Variants in ZNF215 observed in about 807,000 individuals in gnomAD.
ZNF215 encodes the protein BWSCR2-associated zinc finger protein 2.
A neutral mutation model predicts 27.2 loss-of-function variants in ZNF215; 24 were observed. The ratio of observed to expected loss-of-function variants is 0.88; its 90% confidence interval spans 0.64 to 1.24. The LOEUF is 1.24. Among genes scored for constraint, ZNF215 ranks in the 50% most tolerant of loss-of-function variants. The probability of loss-of-function intolerance (pLI) is 0.00; values close to 1 mark genes in which losing one functional copy is unlikely to be tolerated. For missense variants in ZNF215, 675 were observed against 605.7 expected, an observed-to-expected ratio of 1.11 and a Z score of -1.20; for synonymous variants, 210 against 204.0, an observed-to-expected ratio of 1.03 and a Z score of -0.25.
chr11:6,972,999 T>A (rs1455325479), intron 5 of ZNF215, among the ~76,000 whole-genome samples: 1 of 152,148 alleles, frequency 6.6e-6, no homozygotes, highest in Admixed American at 6.6e-5. Flanking sequence ...GTTGGTGTGC[T>A]GTACCCATTA....
downstream of ZNF215, among the ~76,000 whole-genome samples, chr11:6,961,639 C>T (rs1392553105): frequency 6.6e-6 from 1 of 152,124 alleles, no homozygotes; most frequent in East Asian, 1.9e-4. Context: ...CTTACAGCCG[C>T]TGGGTTTCAG....
intron 5 of ZNF215, among the ~76,000 whole-genome samples, chr11:6,966,877 C>T (rs1461210228): frequency 2.6e-5 from 4 of 151,764 alleles, no homozygotes; most frequent in East Asian, 1.9e-4. Flanking sequence ...TTGTTACATA[C>T]GTATACACGT....
chr11:6,958,360 A>C (rs1564968480), downstream of ZNF215, among the ~76,000 whole-genome samples: 2 of 152,248 alleles, frequency 1.3e-5, no homozygotes, highest in Non-Finnish European at 2.9e-5. Context: ...TTCTTTGAAC[A>C]ACTAGCTATT....
intron 3 of ZNF215, 24 bp from the exon 4 acceptor site, chr11:6,941,547 A>T (rs371766314): frequency 6.2e-7 from 1 of 1,609,720 alleles, no homozygotes; most frequent in East Asian, 2.2e-5. Flanking sequence ...TTGTCTCCCT[A>T]ATATTTTCCT....
chr11:6,975,070 A>G lies in ZNF215; in HGVS notation c.806-9059A>G, dbSNP rs1430004424. Among the ~76,000 whole-genome samples the G allele has an allele frequency of 2.0e-5, 3 of 152,128 alleles. No individual in the cohort carries two copies. In the East Asian group the frequency reaches 5.8e-4, roughly 29 times the overall value. Reference sequence around the variant, plus strand: ...TTATTATTTTGAGATACATCCCATCAATACCTAATTTATTGAGAGTTTTTA... The same window carrying G: ...TTATTATTTTGAGATACATCCCATCGATACCTAATTTATTGAGAGTTTTTA... On this transcript the variant is annotated intron_variant, in intron 5 of 5. Transcript: ENST00000529903.
chr11:6,944,921 A>T (rs1327436904), intron 6 of ZNF215, among the ~76,000 whole-genome samples: 1 of 152,206 alleles, frequency 6.6e-6, no homozygotes, highest in African/African-American at 2.4e-5. Context: ...ATATCATAAT[A>T]CATTTAACCA....
chr11:6,953,037 T>C (rs1850144112), intron 6 of ZNF215, among the ~76,000 whole-genome samples: 1 of 152,234 alleles, frequency 6.6e-6, no homozygotes, highest in Non-Finnish European at 1.5e-5. Flanking sequence ...GAAAATTCTT[T>C]TGTTTAAGAA....
Position 6,927,740 on chromosome 11 carries a change from A to G in ZNF215, c.-247A>G, listed in dbSNP as rs1240559838. ...TATCATCAAAACTATTCCACCTCGG[A>G]AATCTTACCTAAATGCAGCATGCCA... On this transcript the variant is annotated 5_prime_UTR_variant, in exon 2 of 7. Transcript: ENST00000278319. 1 of 152,276 alleles carries G rather than the reference A, an allele frequency of 6.6e-6. No individual in the cohort carries two copies. The highest frequency in any genetic ancestry group is 1.5e-5 in the Non-Finnish European group (1 of 68,078). 9.4% of individuals were successfully genotyped at this position (152,276 alleles called of 1,614,324 possible). A position where few individuals can be genotyped will look rare whatever the true frequency, so the allele number is the denominator to read the frequency against.
intron 1 of ZNF215, among the ~76,000 whole-genome samples, chr11:6,927,126 G>T (rs1225447558): frequency 7.4e-6 from 1 of 134,372 alleles, no homozygotes; most frequent in East Asian, 2.3e-4. Context: ...TGGTATTGAT[G>T]CCTCATGGAA....
intron 5 of ZNF215, among the ~76,000 whole-genome samples, chr11:6,973,926 T>C (rs937699968): frequency 7.9e-5 from 12 of 152,332 alleles, no homozygotes; most frequent in Non-Finnish European, 1.0e-4. Flanking sequence ...ATTTTGGCTT[T>C]TGTTGCTATT....
chr11:6,963,349 C>G (rs922026692), intron 5 of ZNF215, among the ~76,000 whole-genome samples: 1 of 151,968 alleles, frequency 6.6e-6, no homozygotes, highest in Non-Finnish European at 1.5e-5. Context: ...TTCCCTTAGC[C>G]TACCTAATTG....
At position 6,948,113 on chromosome 11, in the gene ZNF215, ACT is replaced by A. The variant is rs561576109; in HGVS notation, c.712+4475_712+4476del. ...CCAGATTCAAGGAGAAGCAGAATAA[ACT>A]CTACTTCAGGATGGGGAGTGTGGCA... On this transcript the variant is annotated intron_variant, in intron 6 of 6. Transcript: ENST00000278319. Among the ~76,000 whole-genome samples, 551 of 152,200 alleles carry A rather than the reference ACT, an allele frequency of 3.6e-3. 3 individuals carry two copies. Among genetic ancestry groups the A allele is most frequent in the Middle Eastern group, 0.02 (6 of 294 alleles).
chr11:6,970,042 A>G (rs570856760), intron 5 of ZNF215, among the ~76,000 whole-genome samples: 2 of 152,286 alleles, frequency 1.3e-5, no homozygotes, highest in East Asian at 3.9e-4. Context: ...TGGGCCTCCC[A>G]TAGTGCTCGG....
chr11:6,930,878 A>G (rs2133146862), intron 2 of ZNF215, among the ~76,000 whole-genome samples: 1 of 152,336 alleles, frequency 6.6e-6, no homozygotes, highest in Non-Finnish European at 1.5e-5. Context: ...TATGACTCCA[A>G]AGTATGTAGT....
At chr11:6,962,083 A>G (rs747304285), downstream of ZNF215, among the ~76,000 whole-genome samples, 1 of 152,180 alleles carries the variant, frequency 6.6e-6, no homozygotes, top group Non-Finnish European at 1.5e-5. Context: ...GACTATTTTT[A>G]AAGGTGTGGG....
intron 6 of ZNF215, among the ~76,000 whole-genome samples, chr11:6,951,052 T>C (rs1850035529): frequency 6.6e-6 from 1 of 152,144 alleles, no homozygotes; most frequent in Non-Finnish European, 1.5e-5. Context: ...TTTGCGTATA[T>C]TGAACCAGCC....
At chr11:6,944,192 C>T (rs373843068) in intron 6 of ZNF215, among the ~76,000 whole-genome samples, 183 of 152,150 alleles carry the variant, frequency 1.2e-3, no homozygotes, top group Non-Finnish European at 2.1e-3. Context: ...AGGAGAATGG[C>T]GTGAACCCGG....
chr11:6,955,834 A>G lies in ZNF215; in HGVS notation c.857A>G (p.Gln286Arg), dbSNP rs1425103989. The change falls in exon 7 of 7, where the codon CAA becomes CGA. Residue 286 changes from glutamine to arginine, a missense_variant. By Grantham distance (43) the Gln-to-Arg change is conservative. Transcript: ENST00000278319. ...AAAAAATGGGACATAAATTTGCCAC[A>G]AGAGGCTTTCATTCCTGAGACAATT... ...NQKKWDINLP[Q>R]EAFIPETIYT... The G allele has an allele frequency of 6.2e-7, 1 of 1,613,702 alleles. No homozygotes were observed. Among genetic ancestry groups the G allele is most frequent in the South Asian group, 1.1e-5 (1 of 90,840 alleles).
In ZNF215 at chr11:6,955,963, A is replaced by G. The variant is rs774591010; in HGVS notation, c.986A>G (p.Lys329Arg). ...ATACAAGTGGGAATTCCTTCAAGAA[A>G]GGGGTCTCCAAAATGTGATAAGTTT... is the stretch of plus-strand genomic sequence containing the variant. ...CAIQVGIPSRKGSPKCDKFKT... is the reference protein window; with the variant it reads ...CAIQVGIPSRRGSPKCDKFKT... Residue 329 changes from lysine (K) to arginine (R), a missense_variant, in exon 7 of 7, where the codon AAG (lysine) becomes AGG (arginine). Physicochemically the swap from Lys to Arg is conservative, Grantham distance 26. Transcript: ENST00000278319. 1.9e-6 allele frequency: 3 copies of G among 1,613,074 alleles called. No homozygotes were observed. The highest frequency in any genetic ancestry group is 2.2e-5 in the East Asian group (1 of 44,886).
Sources: gnomAD v4.1 joint callset for allele counts (sites outside exome capture counted in the v4.1 genomes callset) on GRCh38, gnomAD v4.1.1 for gene constraint, MANE v1.5 for transcripts, NCBI Gene and HGNC (gene_info 2026-07-23, HGNC 2026-07-21) for gene names.